The following RORC variants were observed in gnomAD, a reference collection of about 807,000 sequenced individuals.
RORC encodes the protein nuclear receptor ROR-gamma.
A neutral mutation model predicts 64.5 loss-of-function variants in RORC; 13 were observed. The ratio of observed to expected loss-of-function variants is 0.20; its 90% CI spans 0.13 to 0.32. The LOEUF is 0.32. Among genes scored for constraint, RORC ranks in the 10% least tolerant of loss-of-function variants. The pLI, the probability that RORC is intolerant of heterozygous loss-of-function variation, is 1.00. For missense variants in RORC, 468 were observed against 669.5 expected, an observed-to-expected ratio of 0.70 and a Z score of 3.32; for synonymous variants, 277 against 259.3, an observed-to-expected ratio of 1.07 and a Z score of -0.65.
chr1:151,809,892 C>T (rs994396466), intron 10 of RORC, among the ~76,000 whole-genome samples: 7 of 152,112 alleles, frequency 4.6e-5, no homozygotes, highest in African/African-American at 1.4e-4. Flanking sequence ...ATTTTTCTAG[C>T]CTTTGGAGCT....
Position 151,811,307 on chromosome 1 carries a change from C to G in RORC, c.1395+18G>C. The G allele has an allele frequency of 6.4e-7, 1 of 1,555,298 alleles. No individual in the cohort carries two copies. Among genetic ancestry groups the G allele is most frequent in the South Asian group, 1.1e-5 (1 of 89,596 alleles). On this transcript the variant is annotated intron_variant, in intron 10 of 10. Transcript: ENST00000318247. ...TAGCGATGGGCCTGGCCTCTTCTAC[C>G]CCAGGGACTGCTCCTACCTTTGCCA...
chr1:151,813,510 G>A lies in RORC; in HGVS notation c.1044C>T (p.Asp348=), dbSNP rs755252424. ...LSGFMELCQN[D]QIVLLKAGAM... ...CACCTGCTTTGAGAAGCACAATCTG[G>A]TCATTCTGGCAGAGCTCCATAAAGC... Residue 348 remains aspartate, a synonymous_variant, in exon 7 of 11, where the codon GAC becomes GAT. Coordinates refer to ENST00000318247, the MANE Select transcript of RORC (RefSeq NM_005060.4). 6.2e-7 allele frequency: 1 copy of A among 1,614,142 alleles called. No individual in the cohort carries two copies. Among genetic ancestry groups the A allele is most frequent in the East Asian group, 2.2e-5 (1 of 44,872 alleles).
intron 2 of RORC, among the ~76,000 whole-genome samples, chr1:151,829,091 C>T (rs183510617): frequency 4.9e-4 from 75 of 151,850 alleles, no homozygotes; most frequent in African/African-American, 1.8e-3. Flanking sequence ...CCTCTATCTC[C>T]TTCCTTCCCC....
At chr1:151,826,156 A>T in intron 2 of RORC, 1 of 1,190,106 alleles carries the variant, frequency 8.4e-7, no homozygotes, top group Non-Finnish European at 1.1e-6. Flanking sequence ...CCCCACCCCC[A>T]AGGGGTGCAG....
At chr1:151,819,377 T>C (rs1270789087) in intron 2 of RORC, among the ~76,000 whole-genome samples, 1 of 152,188 alleles carries the variant, frequency 6.6e-6, no homozygotes, top group Non-Finnish European at 1.5e-5. Flanking sequence ...GTATTCAAGT[T>C]ACTCCTGAGC....
Position 151,807,485 on chromosome 1 carries a change from C to T in RORC, c.1544G>A (p.Gly515Glu). ...CCCTCTTCCAGGTCACTTGGACAGC[C>T]CCACAGGTGACTCGGTTTCAGTGCT... The part of the protein sequence containing the change: ...LFSTETESPV[G>E]LSK The change falls in exon 11 of 11, where the codon GGG becomes GAG. Residue 515 changes from glycine to glutamate, a missense_variant. Gly to Glu is a moderately conservative substitution (Grantham distance 98). Around this residue, in one of 5 missense-constraint regions of RORC, gnomAD observed 93 missense variants for 116.6 expected, o/e 0.80. Transcript: ENST00000318247. The surrounding 1 kb of genome is among the most constrained non-coding windows in gnomAD (Gnocchi z 5.0). The T allele has an allele frequency of 6.2e-7, 1 of 1,614,126 alleles. No individual in the cohort carries two copies. The highest frequency in any genetic ancestry group is 8.5e-7 in the Non-Finnish European group (1 of 1,180,000).
intron 3 of RORC, 111 bp from the exon 4 acceptor site, chr1:151,816,916 C>G: frequency 8.6e-7 from 1 of 1,168,288 alleles, no homozygotes; most frequent in East Asian, 2.8e-5. Flanking sequence ...CACGACCTGT[C>G]AGTTTTCTCT....
At chr1:151,817,000 G>A (rs1210424747) in intron 3 of RORC, among the ~76,000 whole-genome samples, 195 bp from the exon 4 acceptor site, 3 of 152,198 alleles carry the variant, frequency 2.0e-5, no homozygotes, top group Non-Finnish European at 2.9e-5. Context: ...CCCTGCCAGT[G>A]TTGAGGGCCC....
In RORC at chr1:151,806,601, C is replaced by T. The variant is rs916553712; in HGVS notation, c.*871G>A. 2 of 152,214 alleles carry T rather than the reference C, an allele frequency of 1.3e-5. No individual in the cohort carries two copies. Among genetic ancestry groups the T allele is most frequent in the African/African-American group, 2.4e-5 (1 of 41,426 alleles). The allele number at this position is 152,214 out of a possible 1,614,324, so 9.4% of individuals were successfully genotyped here. ...ACTTTCCCCTGAGGCCTCTAGGCTC[C>T]TCCAAGCTGTGGCCTCAAGGATAAG... On this transcript the variant is annotated 3_prime_UTR_variant, in exon 11 of 11. Transcript: ENST00000318247.
intron 2 of RORC, among the ~76,000 whole-genome samples, chr1:151,829,055 C>T (rs1652303646): frequency 6.6e-6 from 1 of 151,824 alleles, no homozygotes; most frequent in Admixed American, 6.6e-5. Flanking sequence ...GTTCCTGAGG[C>T]CACCCCGCCT....
intron 6 of RORC, 90 bp from the exon 7 acceptor site, chr1:151,813,710 G>A: frequency 6.9e-7 from 1 of 1,455,576 alleles, no homozygotes; most frequent in Non-Finnish European, 9.4e-7. Context: ...AAACTGCAAG[G>A]GGTAGGCTCT....
chr1:151,815,164 G>C lies in RORC; in HGVS notation c.560C>G (p.Ser187Cys), dbSNP rs749461528. 15 of 1,613,984 alleles carry C rather than the reference G, an allele frequency of 9.3e-6. No homozygotes were observed. Among genetic ancestry groups the C allele is most frequent in the Non-Finnish European group, 1.1e-5 (13 of 1,179,932 alleles). Residue 187 changes from serine to cysteine, a missense_variant, in exon 5 of 11, where the codon TCC becomes TGC. This residue lies in a region of RORC where 241 missense variants were observed against 295.5 expected (regional missense o/e 0.82). Coordinates refer to ENST00000318247, the MANE Select transcript of RORC (RefSeq NM_005060.4). ...GAGCCCTGCCTTGGCCAAGTTGTTG[G>C]AATATGAGGGCCCAGAGCCTGAGGC... ...LKASGSGPSY[S>C]NNLAKAGLNG...
chr1:151,807,159 C>T lies in RORC; in HGVS notation c.*313G>A, dbSNP rs1036857749. 3 of 273,188 alleles carry T rather than the reference C, an allele frequency of 1.1e-5. No homozygotes were observed. Among genetic ancestry groups the T allele is most frequent in the African/African-American group, 6.5e-5 (3 of 46,034 alleles). The allele number at this position is 273,188 out of a possible 1,614,324, so 16.9% of individuals were successfully genotyped here. ...GATGCCCCTGTTTTCTTGAGGATGTCTTGGTCCCCCAGAAGTCCTTAAATC... is the reference window on the plus strand; with the variant it reads ...GATGCCCCTGTTTTCTTGAGGATGTTTTGGTCCCCCAGAAGTCCTTAAATC... On this transcript the variant is annotated 3_prime_UTR_variant, in exon 11 of 11. Coordinates refer to ENST00000318247, the MANE Select transcript of RORC (RefSeq NM_005060.4). The surrounding 1 kb of genome is among the most constrained non-coding windows in gnomAD (Gnocchi z 5.0).
At chr1:151,826,274 G>A (rs1466731424) in intron 2 of RORC, among the ~76,000 whole-genome samples, 1 of 152,162 alleles carries the variant, frequency 6.6e-6, no homozygotes, top group Non-Finnish European at 1.5e-5. Context: ...AACCACATGC[G>A]ACAGCCACAC....
Position 151,830,474 on chromosome 1 carries a change from C to T in RORC, c.41-1016G>A, listed in dbSNP as rs1652360509. Among the ~76,000 whole-genome samples, 1 of 152,110 alleles carries T rather than the reference C, an allele frequency of 6.6e-6. No homozygotes were observed. Among genetic ancestry groups the T allele is most frequent in the Admixed American group, 6.5e-5 (1 of 15,282 alleles). On this transcript the variant is annotated intron_variant, in intron 1 of 10. Transcript: ENST00000318247. This position sits in a 1 kb window ranked among gnomAD's most constrained non-coding sequence, Gnocchi z 4.0. ...CCAGACCTTGGCCCATTTCCTACAT[C>T]CACATAGCAGCTCATCACAGAACAC...
intron 2 of RORC, among the ~76,000 whole-genome samples, chr1:151,824,247 C>G (rs1652105273): frequency 6.6e-6 from 1 of 152,124 alleles, no homozygotes; most frequent in Non-Finnish European, 1.5e-5. Context: ...GCACTGACCC[C>G]CTCGTTGGAG....
At position 151,814,905 on chromosome 1, in the gene RORC, C is replaced by A. The variant is rs755561958; in HGVS notation, c.811+8G>T. 6.2e-7 allele frequency: 1 copy of A among 1,609,038 alleles called. No individual in the cohort carries two copies. Among genetic ancestry groups the A allele is most frequent in the East Asian group, 2.2e-5 (1 of 44,784 alleles). ...TCTACCACCCTCTCCACCTCCCCAG[C>A]TGCTCACCTATCTCTGTCAGGGAGG... On this transcript the variant is annotated splice_region_variant and intron_variant, in intron 5 of 10. Transcript: ENST00000318247.
intron 2 of RORC, among the ~76,000 whole-genome samples, chr1:151,828,366 G>A (rs1652277499): frequency 6.6e-6 from 1 of 152,224 alleles, no homozygotes; most frequent in South Asian, 2.1e-4. Flanking sequence ...GATGGGCATA[G>A]CTTTGGGACT....
In RORC at chr1:151,806,271, G is replaced by C. The variant is rs570844595; in HGVS notation, c.*1201C>G. 1 of 153,668 alleles carries C rather than the reference G, an allele frequency of 6.5e-6. No individual in the cohort carries two copies. Among genetic ancestry groups the C allele is most frequent in the Non-Finnish European group, 1.5e-5 (1 of 68,080 alleles). The allele number at this position is 153,668 out of a possible 1,614,324, so 9.5% of individuals were successfully genotyped here. On this transcript the variant is annotated 3_prime_UTR_variant, in exon 11 of 11. Transcript: ENST00000318247. ...GGTTCTGGGCAAGATCACAGCTGGG[G>C]AAACAGGCCCAGGCCCTGCTCCCTG...
Sources: gnomAD v4.1 joint callset for allele counts (sites outside exome capture counted in the v4.1 genomes callset) on GRCh38, gnomAD v4.1.1 for gene constraint, gnomAD v4.1.1 regional missense constraint, Gnocchi (gnomAD v3.1) non-coding constraint, MANE v1.5 for transcripts, NCBI Gene and HGNC (gene_info 2026-07-23, HGNC 2026-07-21) for gene names.